The following COP1 variants were observed in gnomAD, a reference collection of about 807,000 sequenced individuals.
The protein encoded by COP1 is E3 ubiquitin-protein ligase COP1.
Under a neutral mutation model 101.3 loss-of-function variants are expected in COP1, and 24 were observed. That is an observed-to-expected ratio of 0.24 (90% CI 0.17 to 0.33). The LOEUF (loss-of-function observed/expected upper bound fraction) is 0.33, where lower values mean the gene tolerates loss of function less well. COP1 is among the 10% of genes least tolerant of loss of function. The probability of loss-of-function intolerance (pLI) is 1.00; values close to 1 mark genes in which losing one functional copy is unlikely to be tolerated. For missense variants in COP1, 663 were observed against 906.2 expected (o/e 0.73, Z 3.45); for synonymous variants, 347 against 341.9 (o/e 1.01, Z -0.17).
intron 1 of COP1, among the ~76,000 whole-genome samples, chr1:176,197,859 A>G (rs2102231090): frequency 6.6e-6 from 1 of 152,346 alleles, no homozygotes; most frequent in Admixed American, 6.5e-5. Flanking sequence ...AAGTGTATTT[A>G]CATACTAGCA....
At chr1:176,119,634 A>G (rs1317938108) in intron 8 of COP1, among the ~76,000 whole-genome samples, 1 of 122,272 alleles carries the variant, frequency 8.2e-6, no homozygotes, top group Non-Finnish European at 1.7e-5. Flanking sequence ...TATACATTAT[A>G]CATTCATACA....
chr1:176,086,841 C>G (rs1680267970), intron 9 of COP1, among the ~76,000 whole-genome samples: 1 of 152,168 alleles, frequency 6.6e-6, no homozygotes, highest in African/African-American at 2.4e-5. Flanking sequence ...AGGCATCACA[C>G]TACCTGACTT....
chr1:176,076,532 C>G (rs1678044737), intron 11 of COP1, among the ~76,000 whole-genome samples: 2 of 79,462 alleles, frequency 2.5e-5, no homozygotes, highest in South Asian at 8.3e-4. Flanking sequence ...AGGAAGATCT[C>G]AAATTAATGA....
chr1:175,982,977 G>A (rs1320984145), intron 18 of COP1, among the ~76,000 whole-genome samples: 1 of 152,124 alleles, frequency 6.6e-6, no homozygotes, highest in Admixed American at 6.5e-5. Context: ...CAGAGTGACT[G>A]TAGTTAATAA....
chr1:176,038,854 A>G (rs539460564), intron 14 of COP1, among the ~76,000 whole-genome samples: 15 of 152,060 alleles, frequency 9.9e-5, no homozygotes, highest in African/African-American at 3.6e-4. Context: ...ATAGATACAC[A>G]GATCAATGCA....
At chr1:175,973,957 G>GGAGT (rs1212696857) in intron 18 of COP1, among the ~76,000 whole-genome samples, 1 of 152,188 alleles carries the variant, frequency 6.6e-6, no homozygotes, top group Non-Finnish European at 1.5e-5. Context: ...TCATGTTGCT[G>GGAGT]GAGTGTAAAA....
At chr1:176,199,114 G>A (rs930549038) in intron 1 of COP1, among the ~76,000 whole-genome samples, 15 of 152,026 alleles carry the variant, frequency 9.9e-5, no homozygotes, top group Non-Finnish European at 2.1e-4. Flanking sequence ...TCCAGGGATC[G>A]AGACCAACCC....
chr1:176,015,798 G>A (rs1282484912), intron 15 of COP1, among the ~76,000 whole-genome samples: 2 of 152,072 alleles, frequency 1.3e-5, no homozygotes. Flanking sequence ...TAATATGGAG[G>A]TAATTTGGTG....
chr1:176,113,605 A>G (rs971718864), intron 9 of COP1, among the ~76,000 whole-genome samples: 1 of 152,112 alleles, frequency 6.6e-6, no homozygotes, highest in African/African-American at 2.4e-5. Context: ...CCCTATATAA[A>G]GTTTGGTCAA....
At position 176,076,130 on chromosome 1, in the gene COP1, T is replaced by C. The variant is rs140931668; in HGVS notation, c.1277+5022A>G. ...CTACACTTGACCAACTGGATACACA[T>C]TGACACAGAGTACTACACCCAACAA... On this transcript the variant is annotated intron_variant, in intron 11 of 19. Coordinates refer to ENST00000367669, the MANE Select transcript of COP1 (RefSeq NM_022457.7). 2.7e-3 allele frequency among the ~76,000 whole-genome samples: 414 copies of C among 151,722 alleles called. 4 individuals carry two copies. Among genetic ancestry groups the C allele is most frequent in the African/African-American group, 9.2e-3 (381 of 41,336 alleles).
chr1:176,075,250 A>G (rs1344913625), intron 11 of COP1, among the ~76,000 whole-genome samples: 1 of 152,190 alleles, frequency 6.6e-6, no homozygotes, highest in African/African-American at 2.4e-5. Context: ...GGAATGTATG[A>G]TTTTTGTCTT....
rs368608409 is a variant in COP1 at position 175,983,526 on chromosome 1, T to C, written c.2133+3417A>G. Among the ~76,000 whole-genome samples the C allele has an allele frequency of 2.2e-3, 333 of 152,316 alleles. 1 individual carries two copies. Among genetic ancestry groups the C allele is most frequent in the African/African-American group, 7.6e-3 (317 of 41,568 alleles). ...TTACCCAGTCTTGAGTATATCTTTA[T>C]CAGCAGTGTGAAAATGGACTAATAC... On this transcript the variant is annotated intron_variant, in intron 18 of 19. Coordinates refer to ENST00000367669, the MANE Select transcript of COP1 (RefSeq NM_022457.7).
In COP1 at chr1:175,944,998, G is replaced by A. The variant is rs1162985520; in HGVS notation, c.*155C>T. The A allele has an allele frequency of 1.4e-5, 9 of 655,906 alleles. No homozygotes were observed. The highest frequency in any genetic ancestry group is 2.1e-5 in the Non-Finnish European group (8 of 376,740). The allele number at this position is 655,906 out of a possible 1,614,324, so 40.6% of individuals were successfully genotyped here. On this transcript the variant is annotated 3_prime_UTR_variant, in exon 20 of 20. Transcript: ENST00000367669. ...CCAATGTCCCAAAGGTCATAAAGGA[G>A]GGAAAAGAAAAAAAGAAAAAAATAT...
intron 2 of COP1, among the ~76,000 whole-genome samples, chr1:176,182,728 T>A (rs1178986085): frequency 6.6e-6 from 1 of 152,202 alleles, no homozygotes; most frequent in Admixed American, 6.5e-5. Context: ...TGCCGAACAA[T>A]GGCCTGAAAA....
chr1:176,061,438 C>T (rs1394605566), intron 11 of COP1, among the ~76,000 whole-genome samples: 2 of 152,118 alleles, frequency 1.3e-5, no homozygotes, highest in East Asian at 3.9e-4. Flanking sequence ...ATCAGCCTGA[C>T]CAACATGGAA....
chr1:175,953,201 T>TTA (rs1196049422), intron 18 of COP1, among the ~76,000 whole-genome samples: 1 of 151,802 alleles, frequency 6.6e-6, no homozygotes, highest in Admixed American at 6.6e-5. Flanking sequence ...GTTAAACATA[T>TTA]TATAAACTTT....
intron 8 of COP1, among the ~76,000 whole-genome samples, chr1:176,125,376 C>G (rs1354497914): frequency 6.6e-6 from 1 of 152,032 alleles, no homozygotes; most frequent in South Asian, 2.1e-4. Flanking sequence ...CAGTTTGAGG[C>G]CTTTAAGTCT....
chr1:176,011,214 G>A (rs933390752), intron 15 of COP1, among the ~76,000 whole-genome samples: 2 of 152,066 alleles, frequency 1.3e-5, no homozygotes, highest in African/African-American at 4.8e-5. Context: ...AGCCACATGT[G>A]GTTATTTAAG....
chr1:176,199,702 A>G (rs1700079078), intron 1 of COP1, among the ~76,000 whole-genome samples: 1 of 152,248 alleles, frequency 6.6e-6, no homozygotes, highest in Non-Finnish European at 1.5e-5. Context: ...CTCCATTAAT[A>G]TGAAATTCCA....
Sources: allele counts gnomAD v4.1 joint callset (sites outside exome capture counted in the v4.1 genomes callset), GRCh38; gene constraint gnomAD v4.1.1; transcripts MANE v1.5; gene names NCBI Gene and HGNC (gene_info 2026-07-23, HGNC 2026-07-21).